The following ADCY9 variants were observed in gnomAD, a reference collection of about 807,000 sequenced individuals.
ADCY9 encodes adenylate cyclase type 9.
In ADCY9, 50 loss-of-function variants were observed where a neutral mutation model predicts 101.5. The ratio of observed to expected loss-of-function variants is 0.49; its 90% CI spans 0.39 to 0.62. ADCY9 has a LOEUF of 0.62. Among genes scored for constraint, ADCY9 ranks in the 20% least tolerant of loss-of-function variants. ADCY9 has a pLI of 0.00. For missense variants in ADCY9, 1,662 were observed against 1,800.4 expected (o/e 0.92, Z 1.39); for synonymous variants, 905 against 769.3 (o/e 1.18, Z -2.92).
chr16:4,075,270 C>G (rs1424329106), intron 2 of ADCY9, among the ~76,000 whole-genome samples: 2 of 151,892 alleles, frequency 1.3e-5, no homozygotes, highest in Admixed American at 1.3e-4. Context: ...TCCCAAGTAG[C>G]TGGGATTACA....
At chr16:4,029,340 G>A (rs987089529) in intron 2 of ADCY9, among the ~76,000 whole-genome samples, 1 of 152,128 alleles carries the variant, frequency 6.6e-6, no homozygotes, top group Non-Finnish European at 1.5e-5. Flanking sequence ...TGACCATTTC[G>A]ATCTACAAAA....
chr16:4,037,966 C>A (rs769220552), intron 2 of ADCY9, among the ~76,000 whole-genome samples: 1 of 152,122 alleles, frequency 6.6e-6, no homozygotes, highest in Admixed American at 6.5e-5. Flanking sequence ...AACTTCATCA[C>A]GAAGGGATGG....
chr16:4,033,653 G>C (rs942724841), intron 2 of ADCY9, among the ~76,000 whole-genome samples: 14 of 152,064 alleles, frequency 9.2e-5, no homozygotes, highest in Non-Finnish European at 2.1e-4. Flanking sequence ...CTGACCTTGT[G>C]ATCCACCCGC....
Position 3,965,455 on chromosome 16 carries a change from A to T in ADCY9, c.*320T>A. 2 of 358,978 alleles carry T rather than the reference A, an allele frequency of 5.6e-6. No homozygotes were observed. The highest frequency in any genetic ancestry group is 1.0e-5 in the Non-Finnish European group (2 of 198,784). The allele number at this position is 358,978 out of a possible 1,614,324, so 22.2% of individuals were successfully genotyped here. The stretch of plus-strand genomic sequence containing the variant: ...CAGCTTTTGTTCTAAAAGTCAAATA[A>T]TACCCAAAGCCATGATCTCCACTGG... On this transcript the variant is annotated 3_prime_UTR_variant, in exon 11 of 11. Transcript: ENST00000294016.
intron 3 of ADCY9, among the ~76,000 whole-genome samples, chr16:4,001,755 GT>G (rs755749399): frequency 4.1e-3 from 383 of 93,870 alleles, no homozygotes; most frequent in African/African-American, 0.012. Context: ...TTTTTTTATT[GT>G]TTTTTTTTTT....
chr16:4,074,907 G>A (rs1458329013), intron 2 of ADCY9, among the ~76,000 whole-genome samples: 1 of 152,006 alleles, frequency 6.6e-6, no homozygotes, highest in African/African-American at 2.4e-5. Context: ...GGGTATAGTG[G>A]CTCACACCTG....
intron 2 of ADCY9, among the ~76,000 whole-genome samples, chr16:4,105,587 C>T (rs1035275126): frequency 4.0e-5 from 6 of 148,950 alleles, no homozygotes; most frequent in Admixed American, 2.0e-4. Context: ...GACTGAGACA[C>T]GAGAATTCCT....
At position 3,966,334 on chromosome 16, in the gene ADCY9, T is replaced by C. The variant is rs777136439; in HGVS notation, c.3503A>G (p.Asn1168Ser). 1.2e-6 allele frequency: 2 copies of C among 1,614,146 alleles called. No individual in the cohort carries two copies. Among genetic ancestry groups the C allele is most frequent in the Non-Finnish European group, 1.7e-6 (2 of 1,180,036 alleles). ...GACCCCGGCCGTGAGGGGCCCATGG[T>C]TGAAGCCGACGCGGAGCTTGAAGTT... Reference protein sequence around the residue: ...WFNFKLRVGFNHGPLTAGVIG... With the variant: ...WFNFKLRVGFSHGPLTAGVIG... The change falls in exon 11 of 11, where the codon AAC (asparagine) becomes AGC (serine). Residue 1168 changes from asparagine to serine, a missense_variant. Transcript: ENST00000294016.
chr16:4,115,235 C>T lies in ADCY9; in HGVS notation c.208G>A (p.Gly70Arg), dbSNP rs1435229101. 2 of 1,613,186 alleles carry T rather than the reference C, an allele frequency of 1.2e-6. No homozygotes were observed. Among genetic ancestry groups the T allele is most frequent in the African/African-American group, 1.3e-5 (1 of 74,934 alleles). ...SGGVPRRVGG[G>R]GRLRRQKKLP... The stretch of plus-strand genomic sequence containing the variant: ...TTCTTCTGCCTGCGCAGCCGGCCTC[C>T]GCCGCCCACTCGCCGGGGGACGCCC... The change falls in exon 2 of 11, where the codon GGA becomes AGA. Residue 70 changes from glycine (G) to arginine (R), a missense_variant. Physicochemically the swap from Gly to Arg is moderately radical, Grantham distance 125 (BLOSUM62 -2). Coordinates refer to ENST00000294016, the MANE Select transcript of ADCY9 (RefSeq NM_001116.4). This position sits in a 1 kb window ranked among gnomAD's most constrained non-coding sequence, Gnocchi z 6.2.
At chr16:4,037,901 C>A (rs926393437) in intron 2 of ADCY9, among the ~76,000 whole-genome samples, 1 of 152,184 alleles carries the variant, frequency 6.6e-6, no homozygotes, top group Non-Finnish European at 1.5e-5. Flanking sequence ...GGCTTTGACT[C>A]ATTTTTGAAA....
At chr16:4,011,094 C>T (rs2056401375) in intron 2 of ADCY9, among the ~76,000 whole-genome samples, 1 of 152,124 alleles carries the variant, frequency 6.6e-6, no homozygotes, top group South Asian at 2.1e-4. Context: ...GGATCAGCAC[C>T]CTCCACACGG....
At chr16:3,995,354 G>A (rs2056278502) in intron 3 of ADCY9, among the ~76,000 whole-genome samples, 1 of 152,112 alleles carries the variant, frequency 6.6e-6, no homozygotes, top group Non-Finnish European at 1.5e-5. Flanking sequence ...CTTGAGTCTG[G>A]GAGGTCAAGG....
Position 4,113,757 on chromosome 16 carries a change from C to T in ADCY9, c.1686G>A (p.Gln562=). The change falls in exon 2 of 11, where the codon CAG becomes CAA. Residue 562 remains glutamine, a synonymous_variant. Transcript: ENST00000294016. ...GTAAAGCAGTGCACATACCTTTCAA[C>T]TGGTCAGCAACCACGCTCTGGCCCA... ...ERLGQSVVAD[Q]LKGLKTYLIS... is the part of the protein sequence containing the mutation. 1 of 1,611,808 alleles carries T rather than the reference C, an allele frequency of 6.2e-7. No individual in the cohort carries two copies. The highest frequency in any genetic ancestry group is 8.5e-7 in the Non-Finnish European group (1 of 1,178,334).
chr16:4,039,937 G>T (rs2056615590), intron 2 of ADCY9, among the ~76,000 whole-genome samples: 1 of 152,100 alleles, frequency 6.6e-6, no homozygotes, highest in African/African-American at 2.4e-5. Context: ...TACTTGGGAG[G>T]CTGAAGTGGG....
At chr16:4,071,519 G>A (rs899878776) in intron 2 of ADCY9, among the ~76,000 whole-genome samples, 3 of 152,026 alleles carry the variant, frequency 2.0e-5, no homozygotes, top group Non-Finnish European at 4.4e-5. Flanking sequence ...TTCAGGCCAA[G>A]TATAAAGCAA....
Position 3,956,805 on chromosome 16 carries a change from C to G in ADCY9, c.568-3289G>C, listed in dbSNP as rs548358990. Among the ~76,000 whole-genome samples the G allele has an allele frequency of 3.3e-5, 5 of 151,972 alleles. No homozygotes were observed. In the East Asian group the frequency reaches 9.7e-4, roughly 29 times the overall value. On this transcript the variant is annotated intron_variant, in intron 5 of 5. Coordinates refer to the ADCY9 transcript ENST00000576936. ...CCACCGTGCCCGGCCAGCAATCTGT[C>G]TTTTCTATGGAGGCACAAATGTGCA...
chr16:4,002,381 T>C (rs1364244482), intron 3 of ADCY9, among the ~76,000 whole-genome samples: 1 of 152,216 alleles, frequency 6.6e-6, no homozygotes, highest in African/African-American at 2.4e-5. Context: ...AGTTATCATT[T>C]AGGGTCATTT....
At chr16:4,110,072 C>G (rs927420988) in intron 2 of ADCY9, among the ~76,000 whole-genome samples, 5 of 152,206 alleles carry the variant, frequency 3.3e-5, no homozygotes, top group Admixed American at 6.5e-5. Context: ...CCAGCTCCAG[C>G]AGGAGCCCCC....
At chr16:4,037,802 T>A (rs1186387576) in intron 2 of ADCY9, among the ~76,000 whole-genome samples, 2 of 151,896 alleles carry the variant, frequency 1.3e-5, no homozygotes, top group Non-Finnish European at 2.9e-5. Context: ...TACTACAGAG[T>A]CCTACACAGG....
Sources: gnomAD v4.1 joint callset for allele counts (sites outside exome capture counted in the v4.1 genomes callset) on GRCh38, gnomAD v4.1.1 for gene constraint, Gnocchi (gnomAD v3.1) non-coding constraint, MANE v1.5 for transcripts, NCBI Gene and HGNC (gene_info 2026-07-23, HGNC 2026-07-21) for gene names.